The following GAS6 variants were observed in gnomAD, a reference collection of about 807,000 sequenced individuals.
GAS6 encodes the protein growth arrest-specific protein 6.
In GAS6, 41 loss-of-function variants were observed where a neutral mutation model predicts 75.8. That is an observed-to-expected ratio of 0.54 (90% CI 0.42 to 0.70). The LOEUF is 0.70. GAS6 is among the 30% of genes least tolerant of loss of function. The probability of loss-of-function intolerance (pLI) is 0.00; values close to 1 mark genes in which losing one functional copy is unlikely to be tolerated. For synonymous variants in GAS6, 432 were observed against 412.6 expected, an observed-to-expected ratio of 1.05 and a Z score of -0.57; for missense variants, 854 against 940.2, an observed-to-expected ratio of 0.91 and a Z score of 1.20.
At chr13:113,852,367 C>T (rs950835106) in intron 2 of GAS6, among the ~76,000 whole-genome samples, 2 of 152,158 alleles carry the variant, frequency 1.3e-5, no homozygotes, top group African/African-American at 2.4e-5. Context: ...ACAGTGGAGC[C>T]GGTGCCTCCT....
chr13:113,856,646 C>T (rs1462511174), intron 2 of GAS6, among the ~76,000 whole-genome samples: 4 of 152,330 alleles, frequency 2.6e-5, no homozygotes, highest in Non-Finnish European at 4.4e-5. Context: ...TTGAAATAAA[C>T]GGAAAGCCAG....
At chr13:113,822,288 G>A (rs11619074) in intron 13 of GAS6, 102 bp from the exon 14 acceptor site, 22 of 870,790 alleles carry the variant, frequency 2.5e-5, no homozygotes, top group African/African-American at 1.0e-4. Context: ...TACGCCGCAC[G>A]CCTGTCTCCG....
intron 5 of GAS6, 79 bp downstream of exon 5, chr13:113,839,649 G>A (rs554332113): frequency 3.8e-5 from 60 of 1,560,858 alleles, no homozygotes; most frequent in East Asian, 2.1e-4. Context: ...GCCGTGCCCC[G>A]GAGTGGGAGT....
chr13:113,851,731 C>A (rs2051878380), intron 2 of GAS6, among the ~76,000 whole-genome samples: 1 of 152,222 alleles, frequency 6.6e-6, no homozygotes, highest in African/African-American at 2.4e-5. Flanking sequence ...TTCACTCCCA[C>A]AGAGCACTGA....
rs753201452 is a variant in GAS6 at position 113,820,850 on chromosome 13, C to T, written c.*14G>A. The T allele has an allele frequency of 1.7e-5, 27 of 1,606,416 alleles. No homozygotes were observed. The highest frequency in any genetic ancestry group is 4.4e-5 in the South Asian group (4 of 90,896). ...CGGACAGAGACTGAGAAGCCTGCCG[C>T]GTCCCGTGGGGGCCTAGGCTGCGGC... On this transcript the variant is annotated 3_prime_UTR_variant, in exon 15 of 15. Coordinates refer to ENST00000327773, the MANE Select transcript of GAS6 (RefSeq NM_000820.4).
intron 8 of GAS6, among the ~76,000 whole-genome samples, chr13:113,833,952 CAGGT>C (rs776778064): frequency 1.1e-4 from 16 of 141,190 alleles, no homozygotes; most frequent in African/African-American, 3.0e-4. Context: ...CCCGGTGTGA[CAGGT>C]AGGTCATGCT....
Position 113,832,421 on chromosome 13 carries a change from G to C in GAS6, c.1021C>G (p.Gln341Glu), listed in dbSNP as rs1258714526. 1 of 1,610,406 alleles carries C rather than the reference G, an allele frequency of 6.2e-7. No individual in the cohort carries two copies. Among genetic ancestry groups the C allele is most frequent in the East Asian group, 2.2e-5 (1 of 44,796 alleles). ...GCCAGCACGATCCAGGTGCTGTCCT[G>C]GTGGCCTCCGGCAAAGAGGAGGATG... is the stretch of plus-strand genomic sequence containing the variant. ...EGILLFAGGH[Q>E]DSTWIVLALR... The change falls in exon 10 of 15, where the codon CAG (glutamine) becomes GAG (glutamate). Residue 341 changes from glutamine to glutamate, a missense_variant. Gln to Glu is a conservative substitution (Grantham distance 29, BLOSUM62 2). Coordinates refer to ENST00000327773, the MANE Select transcript of GAS6 (RefSeq NM_000820.4).
chr13:113,832,898 G>A (rs1423071695), intron 8 of GAS6, 146 bp from the exon 9 acceptor site: 2 of 1,534,172 alleles, frequency 1.3e-6, no homozygotes, highest in African/African-American at 2.7e-5. Flanking sequence ...AGACCCCAGA[G>A]GCTGTCACAC....
chr13:113,827,675 G>GGCACCAGGCA (rs2051568833), intron 11 of GAS6, among the ~76,000 whole-genome samples: 1 of 142,572 alleles, frequency 7.0e-6, no homozygotes, highest in African/African-American at 2.9e-5. Context: ...ACACTGAAGG[G>GGCACCAGGCA]GTGGCTTCAG....
intron 2 of GAS6, among the ~76,000 whole-genome samples, chr13:113,861,328 A>G (rs1468505169): frequency 6.6e-6 from 1 of 152,128 alleles, no homozygotes; most frequent in African/African-American, 2.4e-5. Flanking sequence ...CACCTTCCCT[A>G]CAACCACCCG....
In GAS6 at chr13:113,820,945, C is replaced by G. The variant is rs774149044; in HGVS notation, c.1956G>C (p.Leu652=). The G allele has an allele frequency of 1.3e-5, 21 of 1,612,590 alleles. 1 individual carries two copies. In the South Asian group the frequency reaches 2.2e-4, roughly 17 times the overall value. Residue 652 remains leucine, a synonymous_variant, in exon 15 of 15, where the codon CTG becomes CTC. Coordinates refer to ENST00000327773, the MANE Select transcript of GAS6 (RefSeq NM_000820.4). ...TGTACGCCGCCTCGTCCAGGTCCAG[C>G]AGCCTCCGGTTGACCTCCAGTGTCA... ...GCMTLEVNRR[L]LDLDEAAYKH...
chr13:113,852,542 TG>T (rs1005013852), intron 2 of GAS6, among the ~76,000 whole-genome samples: 1 of 152,206 alleles, frequency 6.6e-6, no homozygotes, highest in African/African-American at 2.4e-5. Context: ...AAGTGTCTGA[TG>T]AGTAGATGCC....
chr13:113,826,965 A>T (rs1315639822), intron 12 of GAS6, 31 bp downstream of exon 12: 1 of 1,580,358 alleles, frequency 6.3e-7, no homozygotes, highest in African/African-American at 1.4e-5. Context: ...GTGCAGCCAC[A>T]GCCACCCCAA....
At position 113,833,583 on chromosome 13, in the gene GAS6, AGT is replaced by A. The variant is rs150927808; in HGVS notation, c.835-833_835-832del. Reference sequence around the variant, plus strand: ...TGCATTCCTACCGGTGTGACAGGTCAGTGTGACAGGTCGGTGTGACAGGCACC... The same window carrying A: ...TGCATTCCTACCGGTGTGACAGGTCAGTGACAGGTCGGTGTGACAGGCACC... On this transcript the variant is annotated intron_variant, in intron 8 of 14. Transcript: ENST00000327773. The A allele has an allele frequency of 2.1e-5, 21 of 1,013,552 alleles. No homozygotes were observed. The East Asian group carries it at 2.3e-3, about 110-fold the overall frequency. 62.8% of individuals were successfully genotyped at this position (1,013,552 alleles called of 1,614,324 possible).
intron 8 of GAS6, 106 bp from the exon 9 acceptor site, chr13:113,832,858 C>T (rs1031594307): frequency 2.9e-5 from 46 of 1,562,538 alleles, no homozygotes; most frequent in African/African-American, 1.1e-4. Flanking sequence ...TCCTGTGCCT[C>T]GGGAGTGGCC....
At chr13:113,846,672 A>T in intron 3 of GAS6, 83 bp from the exon 4 acceptor site, 1 of 1,138,586 alleles carries the variant, frequency 8.8e-7, no homozygotes, top group Admixed American at 1.7e-5. Context: ...GACGCTCTGG[A>T]GAGGCAGTTA....
At position 113,835,516 on chromosome 13, in the gene GAS6, G is replaced by A. The variant is rs890027803; in HGVS notation, c.709C>T (p.Arg237Ter). 6.8e-6 allele frequency: 11 copies of A among 1,612,298 alleles called. No homozygotes were observed. The highest frequency in any genetic ancestry group is 5.0e-5 in the Admixed American group (3 of 59,992). The stretch of plus-strand genomic sequence containing the variant: ...GGTGACCGCGTGGCGTGGGTACCTC[G>A]GCAAGCCTTCTCCTGGGAGCTGTAC... The part of the protein sequence containing the change: ...FAYSSQEKAC[R>*]DVDECLQGRC... Residue 237 changes from arginine (R) to a stop codon, truncating the protein, a stop_gained, in exon 7 of 15, where the codon CGA (arginine) becomes TGA (stop). Transcript: ENST00000327773. LOFTEE classifies it high-confidence loss of function.
In GAS6 at chr13:113,822,172, G is replaced by A. The variant is rs979434166; in HGVS notation, c.1668C>T (p.Ala556=). Residue 556 remains alanine (A), a synonymous_variant, in exon 14 of 15, where the codon GCC becomes GCT. Coordinates refer to ENST00000327773, the MANE Select transcript of GAS6 (RefSeq NM_000820.4). The stretch of plus-strand genomic sequence containing the variant: ...TTAGGGCCAAGGCCGTATGCTCCAC[G>A]GCCAGGACCACCAGCTGCAGGAGAC... ...KKLKKQLVVL[A]VEHTALALME... 15 of 1,558,988 alleles carry A rather than the reference G, an allele frequency of 9.6e-6. No homozygotes were observed. The highest frequency in any genetic ancestry group is 4.0e-5 in the African/African-American group (3 of 74,284).
At chr13:113,831,813 G>A (rs776773774) in intron 10 of GAS6, among the ~76,000 whole-genome samples, 2,990 of 57,494 alleles carry the variant, frequency 0.052, 70 homozygotes, top group South Asian at 0.24. Flanking sequence ...TGAACTAAAC[G>A]GGGCAGGGGT....
Sources: allele counts gnomAD v4.1 joint callset (sites outside exome capture counted in the v4.1 genomes callset), GRCh38; gene constraint gnomAD v4.1.1; transcripts MANE v1.5; gene names NCBI Gene and HGNC (gene_info 2026-07-23, HGNC 2026-07-21).